SLC44A1: variants seen among roughly 807,000 people sequenced by gnomAD.
SLC44A1 encodes choline transporter-like protein 1.
Under a neutral mutation model 79.3 loss-of-function variants are expected in SLC44A1, and 26 were observed. The ratio of observed to expected loss-of-function variants is 0.33; its 90% confidence interval spans 0.24 to 0.46. The LOEUF is 0.46. SLC44A1 is among the 20% of genes least tolerant of loss of function. The pLI, the probability that SLC44A1 is intolerant of heterozygous loss-of-function variation, is 1.00. For missense variants in SLC44A1, 688 were observed against 798.1 expected, an observed-to-expected ratio of 0.86 and a Z score of 1.66; for synonymous variants, 263 against 286.2, an observed-to-expected ratio of 0.92 and a Z score of 0.82.
intron 15 of SLC44A1, among the ~76,000 whole-genome samples, chr9:105,388,643 T>A (rs946041677): frequency 1.3e-5 from 2 of 152,200 alleles, no homozygotes; most frequent in East Asian, 1.9e-4. Flanking sequence ...TAAGGAAACT[T>A]TAAAGATTTA....
At chr9:105,293,634 C>T (rs1163138600) in intron 1 of SLC44A1, among the ~76,000 whole-genome samples, 2 of 152,224 alleles carry the variant, frequency 1.3e-5, no homozygotes, top group African/African-American at 4.8e-5. Context: ...ACCCTGCCTG[C>T]CATATCACTG....
intron 3 of SLC44A1, among the ~76,000 whole-genome samples, chr9:105,317,487 G>A (rs953496625): frequency 6.6e-6 from 1 of 152,160 alleles, no homozygotes; most frequent in Non-Finnish European, 1.5e-5. Context: ...AAAGTCGGCT[G>A]TGGAAGGATG....
Position 105,390,137 on chromosome 9 carries a change from T to G in SLC44A1, c.*1081T>G. 2 of 1,233,584 alleles carry G rather than the reference T, an allele frequency of 1.6e-6. No homozygotes were observed. 76.4% of individuals were successfully genotyped at this position (1,233,584 alleles called of 1,614,324 possible). Reference sequence around the variant, plus strand: ...TGTTTAACTGAAGAATTGGCTAATGTTTTGATCCTCCAGTGTGACTGTTGT... The same window carrying G: ...TGTTTAACTGAAGAATTGGCTAATGGTTTGATCCTCCAGTGTGACTGTTGT... On this transcript the variant is annotated 3_prime_UTR_variant, in exon 16 of 16. Coordinates refer to ENST00000374720, the MANE Select transcript of SLC44A1 (RefSeq NM_080546.5).
At chr9:105,333,809 CAAAA>C (rs113936952) in intron 3 of SLC44A1, among the ~76,000 whole-genome samples, 1 of 133,200 alleles carries the variant, frequency 7.5e-6, no homozygotes. Flanking sequence ...AACTCCATCT[CAAAA>C]AAAAAAAAAG....
chr9:105,282,756 C>T (rs1230108757), intron 1 of SLC44A1, among the ~76,000 whole-genome samples: 2 of 152,098 alleles, frequency 1.3e-5, no homozygotes, highest in Non-Finnish European at 2.9e-5. Flanking sequence ...ACCATGTTGG[C>T]CAGGCTGGTC....
At chr9:105,380,539 T>A (rs1828429590) in intron 13 of SLC44A1, among the ~76,000 whole-genome samples, 1 of 152,014 alleles carries the variant, frequency 6.6e-6, no homozygotes. Context: ...TTGATCACAG[T>A]TGTTCAATAT....
intron 3 of SLC44A1, among the ~76,000 whole-genome samples, chr9:105,330,024 C>G (rs760695748): frequency 1.3e-5 from 2 of 152,132 alleles, no homozygotes; most frequent in Non-Finnish European, 2.9e-5. Flanking sequence ...TACTTGCATT[C>G]AAGAACTATA....
chr9:105,255,308 A>C (rs552409898), intron 1 of SLC44A1, among the ~76,000 whole-genome samples: 2 of 152,286 alleles, frequency 1.3e-5, no homozygotes, highest in South Asian at 4.1e-4. Flanking sequence ...CTTTGGTAAT[A>C]GTTAACAAAA....
chr9:105,293,661 C>T (rs577982080), intron 1 of SLC44A1, among the ~76,000 whole-genome samples: 6 of 152,320 alleles, frequency 3.9e-5, no homozygotes, highest in Admixed American at 1.3e-4. Flanking sequence ...CCTCCAGTGA[C>T]GGCTAATTTG....
At chr9:105,299,835 G>T (rs1327792712) in intron 2 of SLC44A1, 10 of 986,350 alleles carry the variant, frequency 1.0e-5, no homozygotes, top group African/African-American at 3.5e-5. Flanking sequence ...CCTGCTGCCT[G>T]CTGTGTCTGC....
chr9:105,355,929 GTA>G (rs890058616), intron 5 of SLC44A1: 15 of 379,902 alleles, frequency 3.9e-5, no homozygotes, highest in Non-Finnish European at 6.6e-5. Context: ...TTGTGTGTGT[GTA>G]TGTGTGTGTG....
At chr9:105,387,060 A>AAAAAAAAATATATATATATATATATAT (rs34780893) in intron 15 of SLC44A1, among the ~76,000 whole-genome samples, 3 of 7,730 alleles carry the variant, frequency 3.9e-4, no homozygotes, top group African/African-American at 1.2e-3. Context: ...AAAAAAAAAA[A>AAAAAAAAATATATATATATATATATAT]ATATATATAT....
chr9:105,323,835 A>G (rs1826477561), intron 3 of SLC44A1, among the ~76,000 whole-genome samples: 1 of 152,068 alleles, frequency 6.6e-6, no homozygotes, highest in Admixed American at 6.5e-5. Context: ...ATCACCCTTA[A>G]TTGTTCTACC....
Position 105,374,710 on chromosome 9 carries a change from G to A in SLC44A1, c.1607G>A (p.Gly536Glu). 15 of 1,612,560 alleles carry A rather than the reference G, an allele frequency of 9.3e-6. No individual in the cohort carries two copies. Among genetic ancestry groups the A allele is most frequent in the Non-Finnish European group, 1.3e-5 (15 of 1,179,174 alleles). ...CGAGTGGCTACCATCAACACAGTAG[G>A]AGATTTTATGTTATTCCTTGGCAAG... Reference protein sequence around the residue: ...ALRVATINTVGDFMLFLGKVL... With the variant: ...ALRVATINTVEDFMLFLGKVL... Residue 536 changes from glycine to glutamate, a missense_variant, in exon 13 of 16, where the codon GGA becomes GAA. Gly to Glu is a moderately conservative substitution (Grantham distance 98, BLOSUM62 -2). Coordinates refer to ENST00000374720, the MANE Select transcript of SLC44A1 (RefSeq NM_080546.5).
In SLC44A1 at chr9:105,389,912, A is replaced by G; in HGVS notation, c.*856A>G. 1 of 1,522,854 alleles carries G rather than the reference A, an allele frequency of 6.6e-7. No homozygotes were observed. Among genetic ancestry groups the G allele is most frequent in the African/African-American group, 1.4e-5 (1 of 72,160 alleles). The allele number at this position is 1,522,854 out of a possible 1,614,324, so 94.3% of individuals were successfully genotyped here. The stretch of plus-strand genomic sequence containing the variant: ...TGTGTATTGATTTGCAGATTAAGTA[A>G]TGCTGGGAGGAATAAAGAAGGGACA... On this transcript the variant is annotated 3_prime_UTR_variant, in exon 16 of 16. Transcript: ENST00000374720.
intron 4 of SLC44A1, among the ~76,000 whole-genome samples, chr9:105,347,069 T>C (rs2131378370): frequency 6.6e-6 from 1 of 152,208 alleles, no homozygotes; most frequent in Non-Finnish European, 1.5e-5. Context: ...GGACAAGATA[T>C]AAATGAAATA....
intron 1 of SLC44A1, among the ~76,000 whole-genome samples, chr9:105,264,297 G>A (rs1255492716): frequency 6.6e-6 from 1 of 152,064 alleles, no homozygotes; most frequent in East Asian, 1.9e-4. Context: ...CTGAATAGCG[G>A]GGACCACAGA....
At chr9:105,416,478 A>G (rs1829172689) in intron 15 of SLC44A1, among the ~76,000 whole-genome samples, 2 of 152,094 alleles carry the variant, frequency 1.3e-5, no homozygotes, top group African/African-American at 2.4e-5. Context: ...GGGTGGGGGC[A>G]ACAATTCATT....
chr9:105,391,404 T>G lies in SLC44A1; in HGVS notation c.*2348T>G, dbSNP rs1203078993. The stretch of plus-strand genomic sequence containing the variant: ...ACAAATAAATTTTGTTTTACTAACA[T>G]TGTGTTTAGAAATTATAATCTATGT... On this transcript the variant is annotated 3_prime_UTR_variant, in exon 16 of 16. Coordinates refer to ENST00000374720, the MANE Select transcript of SLC44A1 (RefSeq NM_080546.5). The G allele has an allele frequency of 2.0e-6, 2 of 984,984 alleles. No homozygotes were observed. The highest frequency in any genetic ancestry group is 2.4e-6 in the Non-Finnish European group (2 of 829,228). The allele number at this position is 984,984 out of a possible 1,614,324, so 61.0% of individuals were successfully genotyped here.
Sources: gnomAD v4.1 joint callset for allele counts (sites outside exome capture counted in the v4.1 genomes callset) on GRCh38, gnomAD v4.1.1 for gene constraint, MANE v1.5 for transcripts, NCBI Gene and HGNC (gene_info 2026-07-23, HGNC 2026-07-21) for gene names.